The following TNFRSF1B variants were observed in gnomAD, a reference collection of about 807,000 sequenced individuals.
TNFRSF1B encodes TNF receptor superfamily member 1B.
Under a neutral mutation model 44.6 loss-of-function variants are expected in TNFRSF1B, and 19 were observed. The ratio of observed to expected loss-of-function variants is 0.43; its 90% CI spans 0.30 to 0.62. The LOEUF is 0.62. Ranked by LOEUF, TNFRSF1B falls within the 20% of genes least tolerant of loss-of-function variation. The probability of loss-of-function intolerance (pLI) is 0.16; values close to 1 mark genes in which losing one functional copy is unlikely to be tolerated. For missense variants in TNFRSF1B, 541 were observed against 619.9 expected, an observed-to-expected ratio of 0.87 and a Z score of 1.35; for synonymous variants, 252 against 261.1, an observed-to-expected ratio of 0.97 and a Z score of 0.34.
In TNFRSF1B at chr1:12,178,913, C is replaced by T. The variant is rs5745973; in HGVS notation, c.79-9883C>T. Among the ~76,000 whole-genome samples the T allele has an allele frequency of 0.023, 3,459 of 152,084 alleles. 131 individuals carry two copies. Among genetic ancestry groups the T allele is most frequent in the African/African-American group, 0.08 (3,306 of 41,462 alleles). On this transcript the variant is annotated intron_variant, in intron 1 of 9. Transcript: ENST00000376259. The surrounding 1 kb of genome is among the most constrained non-coding windows in gnomAD (Gnocchi z 4.3). The stretch of plus-strand genomic sequence containing the variant: ...GGGGCTTAGGTCCATCTGAAAGGGA[C>T]AGAAGGCTGGGAACCAAGACCAAGG...
At chr1:12,172,300 C>A (rs1557622668) in intron 1 of TNFRSF1B, among the ~76,000 whole-genome samples, 1 of 152,248 alleles carries the variant, frequency 6.6e-6, no homozygotes, top group South Asian at 2.1e-4. Flanking sequence ...AGATAAACCT[C>A]AAGTCGCTGC....
rs891332674 is a variant in TNFRSF1B, at chr1:12,168,424, TAAG to T, written c.78+1256_78+1258del. On this transcript the variant is annotated intron_variant, in intron 1 of 9. Transcript: ENST00000376259. This position sits in a 1 kb window ranked among gnomAD's most constrained non-coding sequence, Gnocchi z 4.7. ...TGGGTCCTGGAGAACTGCCCCAGAG[TAAG>T]TCCTGGGTGGCCTTTGGGTCAGGAG... Among the ~76,000 whole-genome samples, 4 of 152,044 alleles carry T rather than the reference TAAG, an allele frequency of 2.6e-5. No individual in the cohort carries two copies. The highest frequency in any genetic ancestry group is 9.7e-5 in the African/African-American group (4 of 41,402).
At chr1:12,198,502 C>T (rs575095895) in intron 8 of TNFRSF1B, among the ~76,000 whole-genome samples, 8 of 152,058 alleles carry the variant, frequency 5.3e-5, no homozygotes, top group Non-Finnish European at 7.4e-5. Flanking sequence ...CACGTGTGCA[C>T]GCTTCACACC....
At chr1:12,202,336 G>A (rs1639412799) in intron 9 of TNFRSF1B, among the ~76,000 whole-genome samples, 165 bp downstream of exon 9, 1 of 152,230 alleles carries the variant, frequency 6.6e-6, no homozygotes, top group African/African-American at 2.4e-5. Context: ...TCCCGCCTTT[G>A]CCCATGCTGG....
intron 8 of TNFRSF1B, 97 bp downstream of exon 8, chr1:12,194,715 G>A: frequency 6.7e-7 from 1 of 1,495,258 alleles, no homozygotes; most frequent in Non-Finnish European, 9.3e-7. Flanking sequence ...TCATTGGTCT[G>A]TCCAGTGTCA....
rs749686651 is a variant in TNFRSF1B at position 12,193,936 on chromosome 1, G to A, written c.788-19G>A. 2.5e-6 allele frequency: 4 copies of A among 1,608,842 alleles called. No homozygotes were observed. The Admixed American group carries it at 5.0e-5, about 20-fold the overall frequency. ...GAGTTTGTTTTCTGTAGCTGTCTGA[G>A]CTTCTCTTTTCTTTCTAGGACTGAT... On this transcript the variant is annotated intron_variant, in intron 6 of 9. Transcript: ENST00000376259.
Position 12,177,742 on chromosome 1 carries a change from C to A in TNFRSF1B, c.78+10573C>A, listed in dbSNP as rs974861619. 1.0e-4 allele frequency among the ~76,000 whole-genome samples: 15 copies of A among 150,680 alleles called. No homozygotes were observed. Among genetic ancestry groups the A allele is most frequent in the African/African-American group, 2.7e-4 (11 of 40,958 alleles). ...CTGGGAGGCGGAGTTTGCAGTGAAC[C>A]GAGATCGCGCCATTGCACTCCAGCC... is the stretch of plus-strand genomic sequence containing the variant. On this transcript the variant is annotated intron_variant, in intron 1 of 9. Transcript: ENST00000376259. This position sits in a 1 kb window ranked among gnomAD's most constrained non-coding sequence, Gnocchi z 4.3.
At chr1:12,183,747 ATCTAGCTAGCTAGCTAGCTAGCTATCTAT>A (rs1279029031) in intron 1 of TNFRSF1B, among the ~76,000 whole-genome samples, 43 of 124,936 alleles carry the variant, frequency 3.4e-4, no homozygotes, top group Middle Eastern at 4.6e-3. Context: ...CTATCTATCT[ATCTAGCTAGCTAGCTAGCTAGCTATCTAT>A]TCTATCTACC....
intron 9 of TNFRSF1B, among the ~76,000 whole-genome samples, chr1:12,204,185 C>T (rs1252197697): frequency 6.6e-6 from 1 of 152,092 alleles, no homozygotes; most frequent in Non-Finnish European, 1.5e-5. Flanking sequence ...TCTGTCTTCT[C>T]TTTCTCTCCC....
rs17880212 is a variant in TNFRSF1B, at chr1:12,190,901, C to T, written c.179-56C>T. 28 of 1,592,266 alleles carry T rather than the reference C, an allele frequency of 1.8e-5. No homozygotes were observed. In the African/African-American group the frequency reaches 3.6e-4, roughly 21 times the overall value. On this transcript the variant is annotated intron_variant, in intron 2 of 9. Coordinates refer to ENST00000376259, the MANE Select transcript of TNFRSF1B (RefSeq NM_001066.3). ...GACTTTGTGGGGACAGTGGATGAGC[C>T]CAGGGTCCTGGCAGAAGGCTCGCCC...
rs111395466 is a variant in TNFRSF1B at position 12,183,826 on chromosome 1, C to CCTATCTAT, written c.79-4950_79-4943dup. On this transcript the variant is annotated intron_variant, in intron 1 of 9. Transcript: ENST00000376259. ...TCTAGCTATCTATCTATTCTATCTA[C>CCTATCTAT]CTATCTATCTATCTATCTATCTATC... Among the ~76,000 whole-genome samples the CCTATCTAT allele has an allele frequency of 3.3e-3, 405 of 124,454 alleles. 14 individuals are homozygous for CCTATCTAT. The highest frequency in any genetic ancestry group is 5.4e-3 in the African/African-American group (184 of 33,792). 81.6% of individuals were successfully genotyped at this position (124,454 alleles called of 152,430 possible). A position where few individuals can be genotyped will look rare whatever the true frequency, so the allele number is the denominator to read the frequency against.
In TNFRSF1B at chr1:12,169,684, G is replaced by A. The variant is rs755826722; in HGVS notation, c.78+2515G>A. Among the ~76,000 whole-genome samples the A allele has an allele frequency of 3.1e-4, 47 of 152,224 alleles. No homozygotes were observed. Among genetic ancestry groups the A allele is most frequent in the Admixed American group, 5.9e-4 (9 of 15,288 alleles). On this transcript the variant is annotated intron_variant, in intron 1 of 9. Transcript: ENST00000376259. The surrounding 1 kb of genome is among the most constrained non-coding windows in gnomAD (Gnocchi z 4.5). Reference sequence around the variant, plus strand: ...TCACTGCCAGCAGGGCTTTTGCCCCGTTTAAAAGTCTTATTTGCCAGCTGG... The same window carrying A: ...TCACTGCCAGCAGGGCTTTTGCCCCATTTAAAAGTCTTATTTGCCAGCTGG...
chr1:12,194,946 C>T (rs962699897), intron 8 of TNFRSF1B, among the ~76,000 whole-genome samples: 5 of 152,210 alleles, frequency 3.3e-5, no homozygotes, highest in South Asian at 4.1e-4. Context: ...TGTGTCTGCT[C>T]GATCCAGCCT....
At position 12,167,067 on chromosome 1, in the gene TNFRSF1B, G is replaced by A; in HGVS notation, c.-25G>A. On this transcript the variant is annotated 5_prime_UTR_variant, in exon 1 of 10. Transcript: ENST00000376259. ...GAGGGCGCGAGGGCGCGAGGGCAGG[G>A]GGCAACCGGACCCCGCCCGCACCCA... 2 of 1,289,262 alleles carry A rather than the reference G, an allele frequency of 1.6e-6. No homozygotes were observed. The highest frequency in any genetic ancestry group is 2.2e-5 in the South Asian group (1 of 44,604). The allele number at this position is 1,289,262 out of a possible 1,614,324, so 79.9% of individuals were successfully genotyped here. A position where few individuals can be genotyped will look rare whatever the true frequency, so the allele number is the denominator to read the frequency against.
rs1188219297 is a variant in TNFRSF1B at position 12,199,726 on chromosome 1, G to A, written c.901-2241G>A. On this transcript the variant is annotated intron_variant, in intron 8 of 9. Coordinates refer to ENST00000376259, the MANE Select transcript of TNFRSF1B (RefSeq NM_001066.3). The surrounding 1 kb of genome is among the most constrained non-coding windows in gnomAD (Gnocchi z 4.0). ...TTTCTTGGGGGGCGGTGGCACCTGCGCTGCTCGCTCCACCCCTGCTCTCAC... is the reference window on the plus strand; with the variant it reads ...TTTCTTGGGGGGCGGTGGCACCTGCACTGCTCGCTCCACCCCTGCTCTCAC... Among the ~76,000 whole-genome samples the A allele has an allele frequency of 6.6e-6, 1 of 152,144 alleles. No homozygotes were observed. Among genetic ancestry groups the A allele is most frequent in the South Asian group, 2.1e-4 (1 of 4,826 alleles).
At chr1:12,173,454 C>T (rs1456600791) in intron 1 of TNFRSF1B, among the ~76,000 whole-genome samples, 2 of 152,192 alleles carry the variant, frequency 1.3e-5, no homozygotes, top group Non-Finnish European at 2.9e-5. Context: ...GCCTTTCAGC[C>T]TTCATGAAGG....
At position 12,167,017 on chromosome 1, in the gene TNFRSF1B, G is replaced by C; in HGVS notation, c.-75G>C. On this transcript the variant is annotated 5_prime_UTR_variant, in exon 1 of 10. Coordinates refer to ENST00000376259, the MANE Select transcript of TNFRSF1B (RefSeq NM_001066.3). ...GTCGAGGGCTAGCGAGCGCAGCGGAGCCTGGAGAGAAGGCGCTGGGCTGCG... is the reference window on the plus strand; with the variant it reads ...GTCGAGGGCTAGCGAGCGCAGCGGACCCTGGAGAGAAGGCGCTGGGCTGCG... The C allele has an allele frequency of 9.1e-7, 1 of 1,095,358 alleles. No homozygotes were observed. The highest frequency in any genetic ancestry group is 1.2e-6 in the Non-Finnish European group (1 of 856,002). 67.9% of individuals were successfully genotyped at this position (1,095,358 alleles called of 1,614,324 possible). A position where few individuals can be genotyped will look rare whatever the true frequency, so the allele number is the denominator to read the frequency against.
rs767782313 is a variant in TNFRSF1B at position 12,192,461 on chromosome 1, C to T, written c.488C>T (p.Pro163Leu). The T allele has an allele frequency of 6.2e-7, 1 of 1,614,094 alleles. No homozygotes were observed. The highest frequency in any genetic ancestry group is 2.2e-5 in the East Asian group (1 of 44,882). ...GTETSDVVCK[P>L]CAPGTFSNTT... ...GAAACATCAGACGTGGTGTGCAAGCCCTGTGCCCCGGGGACGTTCTCCAAC... is the reference window on the plus strand; with the variant it reads ...GAAACATCAGACGTGGTGTGCAAGCTCTGTGCCCCGGGGACGTTCTCCAAC... Residue 163 changes from proline to leucine, a missense_variant, in exon 5 of 10, where the codon CCC (proline) becomes CTC (leucine). By Grantham distance (98) the Pro-to-Leu change is moderately conservative (BLOSUM62 -3). Transcript: ENST00000376259.
intron 7 of TNFRSF1B, among the ~76,000 whole-genome samples, chr1:12,194,295 C>T (rs1639217478): frequency 1.3e-5 from 2 of 152,138 alleles, no homozygotes; most frequent in African/African-American, 4.8e-5. Flanking sequence ...GGGCTTCCTG[C>T]AGCAGGTGGT....
Sources: gnomAD v4.1 joint callset for allele counts (sites outside exome capture counted in the v4.1 genomes callset) on GRCh38, gnomAD v4.1.1 for gene constraint, Gnocchi (gnomAD v3.1) non-coding constraint, MANE v1.5 for transcripts, NCBI Gene and HGNC (gene_info 2026-07-23, HGNC 2026-07-21) for gene names.